Variants in PTK2B observed in about 807,000 individuals in gnomAD.
PTK2B encodes protein-tyrosine kinase 2-beta.
PTK2B carries 71 observed loss-of-function variants against 142.9 expected under a neutral mutation model. That is an observed-to-expected ratio of 0.50 (90% confidence interval 0.41 to 0.61). The LOEUF is 0.61. PTK2B is among the 20% of genes least tolerant of loss of function. PTK2B has a pLI of 0.00. For missense variants in PTK2B, 1,105 were observed against 1,320.4 expected (o/e 0.84, Z 2.53); for synonymous variants, 519 against 503.4 (o/e 1.03, Z -0.42).
intron 30 of PTK2B, 22 bp from the exon 31 acceptor site, chr8:27,458,272 G>T (rs755198523): frequency 4.4e-6 from 7 of 1,608,584 alleles, no homozygotes; most frequent in Admixed American, 1.7e-5. Flanking sequence ...CTCTCAACCT[G>T]TCCTGTGTGA....
intron 5 of PTK2B, among the ~76,000 whole-genome samples, chr8:27,426,886 A>G (rs1376707970): frequency 6.6e-6 from 1 of 152,200 alleles, no homozygotes; most frequent in Non-Finnish European, 1.5e-5. Context: ...TGTTAATTTC[A>G]AAATGTGTTT....
chr8:27,340,513 A>G (rs1188288661), intron 1 of PTK2B, among the ~76,000 whole-genome samples: 1 of 152,222 alleles, frequency 6.6e-6, no homozygotes, highest in African/African-American at 2.4e-5. Context: ...GAGACCCTTG[A>G]TCTGGGTGGC....
chr8:27,422,383 G>A lies in PTK2B; in HGVS notation c.551G>A (p.Arg184Lys). 6.2e-7 allele frequency: 1 copy of A among 1,611,248 alleles called. No individual in the cohort carries two copies. The highest frequency in any genetic ancestry group is 8.5e-7 in the Non-Finnish European group (1 of 1,178,474). Residue 184 changes from arginine (R) to lysine (K), a missense_variant and splice_region_variant, in exon 5 of 31, where the codon AGG (arginine) becomes AAG (lysine). Transcript: ENST00000346049. ...MALQLGCLEL[R>K]RFFKDMPHNA... ...CTGCAGCTGGGCTGCCTGGAGCTCA[G>A]GTATGTGGCCCTGAGGCCTCTGCTG...
chr8:27,352,985 A>T (rs1018435856), intron 1 of PTK2B, among the ~76,000 whole-genome samples: 1 of 152,226 alleles, frequency 6.6e-6, no homozygotes, highest in Non-Finnish European at 1.5e-5. Context: ...TTTACATAAC[A>T]AGAACAGTTA....
intron 1 of PTK2B, among the ~76,000 whole-genome samples, chr8:27,373,615 G>A (rs1806489858): frequency 1.3e-5 from 2 of 152,102 alleles, no homozygotes; most frequent in Non-Finnish European, 2.9e-5. Flanking sequence ...CCAGAAGTTG[G>A]AGGTTACAAT....
At chr8:27,435,634 C>A in intron 13 of PTK2B, 109 bp from the exon 14 acceptor site, 1 of 1,351,206 alleles carries the variant, frequency 7.4e-7, no homozygotes. Context: ...GCTTCTCCTC[C>A]TACCCCCTTG....
intron 2 of PTK2B, among the ~76,000 whole-genome samples, chr8:27,404,032 C>G: frequency 7.8e-6 from 1 of 128,076 alleles, no homozygotes; most frequent in Non-Finnish European, 1.8e-5. Flanking sequence ...CCTGATTTGT[C>G]TCATCCCCAG....
intron 1 of PTK2B, among the ~76,000 whole-genome samples, chr8:27,337,616 G>A (rs558504142): frequency 6.6e-6 from 1 of 152,318 alleles, no homozygotes; most frequent in South Asian, 2.1e-4. Context: ...CAACACTGTG[G>A]CCTTTCGCGA....
At chr8:27,325,190 G>A (rs111619995), upstream of PTK2B, among the ~76,000 whole-genome samples, 6 of 152,332 alleles carry the variant, frequency 3.9e-5, no homozygotes, top group East Asian at 1.2e-3. Flanking sequence ...ACCAGCCTGA[G>A]AAGTTGGTTT....
intron 13 of PTK2B, 82 bp downstream of exon 13, chr8:27,434,641 C>T (rs764823854): frequency 2.6e-4 from 376 of 1,430,968 alleles, no homozygotes; most frequent in Admixed American, 5.7e-4. Context: ...GTGACATTGC[C>T]GAGGGTTTCC....
At chr8:27,350,575 G>GCCTCC (rs56090771) in intron 1 of PTK2B, among the ~76,000 whole-genome samples, 55,784 of 151,752 alleles carry the variant, frequency 0.37, 11,607 homozygotes, top group Non-Finnish European at 0.48. Flanking sequence ...GATCAGTAGA[G>GCCTCC]CCTCCTGTTA....
intron 26 of PTK2B, 110 bp from the exon 27 acceptor site, chr8:27,451,375 C>A: frequency 6.5e-7 from 1 of 1,535,420 alleles, no homozygotes; most frequent in Non-Finnish European, 8.8e-7. Context: ...GACCCCATGG[C>A]TGTAATCTCT....
chr8:27,404,550 G>T (rs1465213390), intron 2 of PTK2B, among the ~76,000 whole-genome samples: 1 of 152,172 alleles, frequency 6.6e-6, no homozygotes, highest in African/African-American at 2.4e-5. Flanking sequence ...ACTCCAGGTT[G>T]CAGGGGTGGC....
chr8:27,428,738 C>T (rs1810232860), intron 5 of PTK2B, among the ~76,000 whole-genome samples: 1 of 152,172 alleles, frequency 6.6e-6, no homozygotes, highest in Non-Finnish European at 1.5e-5. Context: ...CCAGACATTG[C>T]CCAGTGTTTC....
At chr8:27,448,488 T>G (rs1294158901) in intron 24 of PTK2B, among the ~76,000 whole-genome samples, 1 of 152,242 alleles carries the variant, frequency 6.6e-6, no homozygotes, top group Non-Finnish European at 1.5e-5. Context: ...ATTATGAAAT[T>G]GGAAGGCATC....
At chr8:27,458,269 C>G in intron 30 of PTK2B, 25 bp from the exon 31 acceptor site, 1 of 1,606,358 alleles carries the variant, frequency 6.2e-7, no homozygotes, top group Non-Finnish European at 8.5e-7. Context: ...GGCCTCTCAA[C>G]CTGTCCTGTG....
intron 13 of PTK2B, 68 bp from the exon 14 acceptor site, chr8:27,435,675 C>CA: frequency 6.3e-7 from 1 of 1,576,560 alleles, no homozygotes. Context: ...GGGAGCCCCA[C>CA]ACCTGATTCC....
intron 1 of PTK2B, among the ~76,000 whole-genome samples, chr8:27,388,263 A>G (rs573526928): frequency 1.7e-4 from 26 of 152,328 alleles, no homozygotes; most frequent in South Asian, 2.1e-4. Context: ...AGAGGGGGAC[A>G]TGAGATTTGC....
At chr8:27,310,965 G>T, upstream of PTK2B, 2 of 1,612,366 alleles carry the variant, frequency 1.2e-6, no homozygotes, top group Non-Finnish European at 1.7e-6. Context: ...CTGGTCCAGC[G>T]CGCGCCCTCG....
Sources: gnomAD v4.1 joint callset for allele counts (sites outside exome capture counted in the v4.1 genomes callset) on GRCh38, gnomAD v4.1.1 for gene constraint, MANE v1.5 for transcripts, NCBI Gene and HGNC (gene_info 2026-07-23, HGNC 2026-07-21) for gene names.